Variants in MICAL2 observed in about 807,000 individuals in gnomAD.
The protein encoded by MICAL2 is microtubule associated monooxygenase, calponin and LIM domain containing 2, also known as [F-actin]-monooxygenase MICAL2.
In MICAL2, 77 loss-of-function variants were observed where a neutral mutation model predicts 127.3. The ratio of observed to expected loss-of-function variants is 0.60; its 90% CI spans 0.50 to 0.73. The LOEUF is 0.73. Among genes scored for constraint, MICAL2 ranks in the 30% least tolerant of loss-of-function variants. The pLI is 0.00. For synonymous variants in MICAL2, 570 were observed against 551.1 expected (o/e 1.03, Z -0.48); for missense variants, 1,351 against 1,434.4 (o/e 0.94, Z 0.94).
At chr11:12,191,206 T>G (rs1005335971) in intron 3 of MICAL2, among the ~76,000 whole-genome samples, 3 of 152,176 alleles carry the variant, frequency 2.0e-5, no homozygotes, top group Non-Finnish European at 4.4e-5. Context: ...GGCCCACGCC[T>G]GTAATCCCAG....
At chr11:12,275,870 T>A (rs145232443), upstream of MICAL2, 570 of 397,882 alleles carry the variant, frequency 1.4e-3, 3 homozygotes, top group African/African-American at 0.011. Context: ...GACAAGAAGG[T>A]CAGCTTTGGA....
chr11:12,200,721 G>A lies in MICAL2; in HGVS notation c.265-3529G>A, dbSNP rs79489595. On this transcript the variant is annotated intron_variant, in intron 3 of 27. Transcript: ENST00000683283. ...TGGGGCCCAGGATGGTGGGAAAACCGAGCTTTCGCCAATGGGATTTTAGGT... is the reference window on the plus strand; with the variant it reads ...TGGGGCCCAGGATGGTGGGAAAACCAAGCTTTCGCCAATGGGATTTTAGGT... 4.1e-3 allele frequency among the ~76,000 whole-genome samples: 626 copies of A among 152,324 alleles called. 4 individuals carry two copies. Among genetic ancestry groups the A allele is most frequent in the African/African-American group, 0.015 (604 of 41,596 alleles).
At chr11:12,238,383 T>C (rs1183026362) in intron 16 of MICAL2, among the ~76,000 whole-genome samples, 1 of 152,212 alleles carries the variant, frequency 6.6e-6, no homozygotes, top group African/African-American at 2.4e-5. Context: ...TTTTATAAAA[T>C]AGCATAACCG....
At chr11:12,211,665 A>G (rs530587423) in intron 6 of MICAL2, among the ~76,000 whole-genome samples, 3 of 152,282 alleles carry the variant, frequency 2.0e-5, no homozygotes, top group African/African-American at 7.2e-5. Flanking sequence ...AAAAGTGGCC[A>G]TCTGTTGTGT....
At chr11:12,222,220 C>T (rs975885720) in intron 10 of MICAL2, among the ~76,000 whole-genome samples, 27 of 152,110 alleles carry the variant, frequency 1.8e-4, no homozygotes, top group Non-Finnish European at 2.2e-4. Context: ...AGCTGGTGGA[C>T]GGGGGGAGGT....
intron 2 of MICAL2, among the ~76,000 whole-genome samples, chr11:12,147,159 T>A (rs1430390869): frequency 6.6e-6 from 1 of 151,924 alleles, no homozygotes. Context: ...TGTATACATA[T>A]GTAACAAACC....
intron 2 of MICAL2, among the ~76,000 whole-genome samples, chr11:12,281,763 T>C (rs902264928): frequency 3.9e-5 from 6 of 152,214 alleles, no homozygotes; most frequent in Admixed American, 3.9e-4. Context: ...CCAGTGCTGG[T>C]GCCACCCTCC....
At chr11:12,128,598 C>A (rs982530811) in intron 1 of MICAL2, among the ~76,000 whole-genome samples, 1 of 152,168 alleles carries the variant, frequency 6.6e-6, no homozygotes, top group Non-Finnish European at 1.5e-5. Context: ...CAGGACAGAT[C>A]GGGGCAGTGT....
At chr11:12,193,001 C>A (rs1859409640) in intron 3 of MICAL2, among the ~76,000 whole-genome samples, 1 of 152,186 alleles carries the variant, frequency 6.6e-6, no homozygotes, top group Admixed American at 6.5e-5. Flanking sequence ...CTGCTGTGTT[C>A]AAAGCTACAT....
chr11:12,330,882 A>T (rs1377680835), intron 32 of MICAL2, among the ~76,000 whole-genome samples: 1 of 120,450 alleles, frequency 8.3e-6, no homozygotes, highest in Non-Finnish European at 1.7e-5. Context: ...AGAGAGAGAG[A>T]CAGAGAGAGA....
chr11:12,327,335 G>A, intron 32 of MICAL2: 3 of 1,327,172 alleles, frequency 2.3e-6, no homozygotes, highest in Non-Finnish European at 3.1e-6. Flanking sequence ...ACCATCTGAG[G>A]AAAACAGACC....
chr11:12,210,753 G>A lies in MICAL2; in HGVS notation c.691+1155G>A, dbSNP rs567939266. Among the ~76,000 whole-genome samples the A allele has an allele frequency of 9.2e-5, 14 of 152,328 alleles. No homozygotes were observed. The South Asian group carries it at 2.7e-3, about 29-fold the overall frequency. On this transcript the variant is annotated intron_variant, in intron 6 of 27. Transcript: ENST00000683283. ...CATGGAAAGAAGGGTGGAGAGTGAT[G>A]GAGCCATTTGAGCCACTCAAGGCCA...
At chr11:12,249,465 T>C (rs1395215713) in intron 22 of MICAL2, among the ~76,000 whole-genome samples, 1 of 152,228 alleles carries the variant, frequency 6.6e-6, no homozygotes, top group Non-Finnish European at 1.5e-5. Flanking sequence ...CAGACACCCT[T>C]GAACACAGTG....
At chr11:12,139,877 C>A (rs1852182049) in intron 2 of MICAL2, among the ~76,000 whole-genome samples, 1 of 152,146 alleles carries the variant, frequency 6.6e-6, no homozygotes, top group South Asian at 2.1e-4. Context: ...TTGTTTTGTT[C>A]TGTTTCTGTT....
At chr11:12,111,339 A>G (rs1169000500) in intron 1 of MICAL2, among the ~76,000 whole-genome samples, 1 of 152,120 alleles carries the variant, frequency 6.6e-6, no homozygotes, top group African/African-American at 2.4e-5. Context: ...CATCCCCAGT[A>G]GCCCGCTCTC....
At chr11:12,324,161 T>C in intron 31 of MICAL2, 2 of 1,444,610 alleles carry the variant, frequency 1.4e-6, no homozygotes, top group Non-Finnish European at 9.3e-7. Flanking sequence ...CTGCATTGTA[T>C]TAGGGAAAGC....
chr11:12,187,796 T>C (rs1010964686), intron 3 of MICAL2, among the ~76,000 whole-genome samples: 6 of 151,774 alleles, frequency 4.0e-5, no homozygotes, highest in African/African-American at 1.5e-4. Flanking sequence ...GCTGTCTGTG[T>C]GGGTGGGCTT....
intron 26 of MICAL2, chr11:12,260,333 AGG>A: frequency 2.1e-6 from 3 of 1,409,692 alleles, no homozygotes; most frequent in Non-Finnish European, 2.8e-6. Flanking sequence ...TGGCCTTATC[AGG>A]GTGAACATCT....
intron 2 of MICAL2, among the ~76,000 whole-genome samples, chr11:12,284,899 T>C (rs117603175): frequency 0.017 from 2,518 of 152,256 alleles, 51 homozygotes; most frequent in East Asian, 0.11. Flanking sequence ...CGCCTCCAAA[T>C]GTAACCACCC....
Sources: allele counts gnomAD v4.1 joint callset (sites outside exome capture counted in the v4.1 genomes callset), GRCh38; gene constraint gnomAD v4.1.1; transcripts MANE v1.5; gene names NCBI Gene and HGNC (gene_info 2026-07-23, HGNC 2026-07-21).